NFATC2: variants seen among roughly 807,000 people sequenced by gnomAD.
The protein encoded by NFATC2 is nuclear factor of activated T cells 2.
Under a neutral mutation model 87.3 loss-of-function variants are expected in NFATC2, and 22 were observed. That is an observed-to-expected ratio of 0.25 (90% CI 0.18 to 0.36). The LOEUF (loss-of-function observed/expected upper bound fraction) is 0.36, where lower values mean the gene tolerates loss of function less well. Among genes scored for constraint, NFATC2 ranks in the 10% least tolerant of loss-of-function variants. NFATC2 has a pLI of 1.00. For synonymous variants in NFATC2, 565 were observed against 542.2 expected (o/e 1.04, Z -0.58); for missense variants, 1,149 against 1,259.1 (o/e 0.91, Z 1.32).
At chr20:51,427,658 A>T (rs1982043739) in intron 9 of NFATC2, among the ~76,000 whole-genome samples, 1 of 152,108 alleles carries the variant, frequency 6.6e-6, no homozygotes, top group Non-Finnish European at 1.5e-5. Flanking sequence ...GAGCAAGCCC[A>T]CGTCTCCGAG....
In NFATC2 at chr20:51,391,358, G is replaced by A. The variant is rs1986296157; in HGVS notation, c.*138C>T. The A allele has an allele frequency of 1.9e-6, 3 of 1,600,536 alleles. No homozygotes were observed. Among genetic ancestry groups the A allele is most frequent in the Non-Finnish European group, 2.6e-6 (3 of 1,170,294 alleles). On this transcript the variant is annotated 3_prime_UTR_variant, in exon 11 of 11. Coordinates refer to ENST00000371564, the MANE Select transcript of NFATC2 (RefSeq NM_012340.5). ...TGAGGGGCTGTGGAGGGCTCCGAGG[G>A]GTCAGATACAGAAGGTGTCTTGCTA...
At position 51,395,278 on chromosome 20, in the gene NFATC2, CAG is replaced by C. The variant is rs576724269; in HGVS notation, c.*44+3363_*44+3364del. On this transcript the variant is annotated intron_variant, in intron 10 of 10. Coordinates refer to ENST00000371564, the MANE Select transcript of NFATC2 (RefSeq NM_012340.5). ...GACCAATACTCTCCCTAGCAGGTGA[CAG>C]GGGATTGGGATTTGAACTCAGAGCC... Among the ~76,000 whole-genome samples the C allele has an allele frequency of 2.4e-4, 36 of 149,558 alleles. No homozygotes were observed. In the East Asian group the frequency reaches 7.0e-3, roughly 29 times the overall value.
At chr20:51,530,103 G>A (rs1237088801) in intron 1 of NFATC2, among the ~76,000 whole-genome samples, 1 of 152,200 alleles carries the variant, frequency 6.6e-6, no homozygotes, top group East Asian at 1.9e-4. Context: ...GGAGGAGCCA[G>A]TGTTAGAAAG....
intron 2 of NFATC2, among the ~76,000 whole-genome samples, chr20:51,519,441 T>C (rs6067806): frequency 0.46 from 68,406 of 148,112 alleles, 15,850 homozygotes; most frequent in South Asian, 0.49. Context: ...GGTGAAACCC[T>C]GCCTCTACTA....
At chr20:51,532,350 C>A (rs749919924) in intron 1 of NFATC2, among the ~76,000 whole-genome samples, 9 of 152,210 alleles carry the variant, frequency 5.9e-5, no homozygotes, top group Admixed American at 1.3e-4. Flanking sequence ...TATCCTGCAT[C>A]TCAGGAAAGA....
intron 5 of NFATC2, among the ~76,000 whole-genome samples, chr20:51,468,480 G>A (rs189818532): frequency 3.3e-5 from 5 of 152,208 alleles, no homozygotes; most frequent in African/African-American, 4.8e-5. Flanking sequence ...GTGTGAAATT[G>A]CTTTACGTGT....
At chr20:51,469,866 C>T (rs1299697465) in intron 5 of NFATC2, among the ~76,000 whole-genome samples, 1 of 152,218 alleles carries the variant, frequency 6.6e-6, no homozygotes, top group Non-Finnish European at 1.5e-5. Flanking sequence ...TTTCAGACTT[C>T]TGGCCTCCAG....
In NFATC2 at chr20:51,411,976, A is replaced by C. The variant is rs183023247; in HGVS notation, c.2723-13246T>G. On this transcript the variant is annotated intron_variant, in intron 9 of 10. Transcript: ENST00000371564. The stretch of plus-strand genomic sequence containing the variant: ...GTCCCAACCTCAGTGAGAAAACATC[A>C]CTATTAAGAGCCCCATTAGGGTGAG... 1.8e-3 allele frequency among the ~76,000 whole-genome samples: 276 copies of C among 152,182 alleles called. 1 individual carries two copies. Among genetic ancestry groups the C allele is most frequent in the African/African-American group, 6.3e-3 (263 of 41,508 alleles).
intron 1 of NFATC2, among the ~76,000 whole-genome samples, chr20:51,539,466 A>G (rs944852692): frequency 6.6e-6 from 1 of 152,026 alleles, no homozygotes; most frequent in African/African-American, 2.4e-5. Context: ...AAAGCTTACC[A>G]TGTCCCTTCT....
At chr20:51,511,201 G>T (rs1399963138) in intron 3 of NFATC2, among the ~76,000 whole-genome samples, 2 of 152,180 alleles carry the variant, frequency 1.3e-5, no homozygotes, top group East Asian at 3.8e-4. Context: ...ACCACCCCCT[G>T]TTGCTCCCTG....
intron 3 of NFATC2, among the ~76,000 whole-genome samples, chr20:51,487,667 T>C (rs1372993885): frequency 6.6e-6 from 1 of 152,006 alleles, no homozygotes; most frequent in Non-Finnish European, 1.5e-5. Context: ...GCTGAGGAAA[T>C]GCAGGACAGC....
intron 3 of NFATC2, among the ~76,000 whole-genome samples, chr20:51,505,159 G>A (rs1228658780): frequency 2.0e-5 from 3 of 151,372 alleles, no homozygotes; most frequent in South Asian, 2.1e-4. Flanking sequence ...GACTACATGC[G>A]CCCGCCACCA....
chr20:51,562,813 C>T, upstream of NFATC2: 1 of 557,082 alleles, frequency 1.8e-6, no homozygotes, highest in Non-Finnish European at 3.2e-6. The surrounding 1 kb of genome is among the most constrained non-coding windows in gnomAD (Gnocchi z 5.8). Flanking sequence ...CGCGGCTCCG[C>T]GATCCGGCTT....
chr20:51,487,113 A>G (rs1431339332), intron 3 of NFATC2, among the ~76,000 whole-genome samples: 1 of 152,226 alleles, frequency 6.6e-6, no homozygotes, highest in Non-Finnish European at 1.5e-5. Context: ...TTTCTCACTC[A>G]GGACACTGAC....
intron 9 of NFATC2, among the ~76,000 whole-genome samples, chr20:51,410,267 G>T (rs1244272236): frequency 6.8e-6 from 1 of 148,142 alleles, no homozygotes; most frequent in Admixed American, 6.7e-5. Flanking sequence ...TTGAGAATTT[G>T]AACACTGAGT....
At chr20:51,513,382 G>C (rs955371865) in intron 3 of NFATC2, among the ~76,000 whole-genome samples, 1 of 152,244 alleles carries the variant, frequency 6.6e-6, no homozygotes, top group Non-Finnish European at 1.5e-5. Flanking sequence ...AGGAGGCTGA[G>C]GTGGGAGGAT....
chr20:51,540,669 T>TTTTGTTTG (rs1555818376), intron 1 of NFATC2, among the ~76,000 whole-genome samples: 1 of 148,828 alleles, frequency 6.7e-6, no homozygotes, highest in African/African-American at 2.5e-5. Flanking sequence ...TTTTTTTTTT[T>TTTTGTTTG]TTGAGAAAAC....
chr20:51,475,038 G>A (rs1487291007), intron 4 of NFATC2, among the ~76,000 whole-genome samples: 2 of 147,436 alleles, frequency 1.4e-5, no homozygotes, highest in Non-Finnish European at 3.0e-5. Flanking sequence ...GTGTGATCTC[G>A]GCTCACAGCA....
At chr20:51,507,122 G>A (rs1359878402) in intron 3 of NFATC2, among the ~76,000 whole-genome samples, 1 of 152,248 alleles carries the variant, frequency 6.6e-6, no homozygotes, top group Non-Finnish European at 1.5e-5. Flanking sequence ...GCCAGCAGGT[G>A]GATGAATGAG....
Sources: allele counts gnomAD v4.1 joint callset (sites outside exome capture counted in the v4.1 genomes callset), GRCh38; gene constraint gnomAD v4.1.1; non-coding constraint Gnocchi (gnomAD v3.1); transcripts MANE v1.5; gene names NCBI Gene and HGNC (gene_info 2026-07-23, HGNC 2026-07-21).